The following EPN1 variants were observed in gnomAD, a reference collection of about 807,000 sequenced individuals.
EPN1 encodes the protein epsin 1.
Under a neutral mutation model 56.9 loss-of-function variants are expected in EPN1, and 25 were observed. That is an observed-to-expected ratio of 0.44 (90% CI 0.32 to 0.61). The LOEUF (loss-of-function observed/expected upper bound fraction) is 0.61. Among genes scored for constraint, EPN1 ranks in the 20% least tolerant of loss-of-function variants. The probability of loss-of-function intolerance (pLI) is 0.05; values close to 1 mark genes in which losing one functional copy is unlikely to be tolerated. For missense variants in EPN1, 785 were observed against 823.7 expected (o/e 0.95, Z 0.58); for synonymous variants, 411 against 361.8 (o/e 1.14, Z -1.54).
At position 55,701,959 on chromosome 19, in the gene EPN1, C is replaced by CTTTTTTTGTTTTT. The variant is rs1987162523; in HGVS notation, c.*6610_*6611insGTTTTTTTTTTTT. The CTTTTTTTGTTTTT allele has an allele frequency of 9.0e-6, 1 of 110,848 alleles. No individual in the cohort carries two copies. The highest frequency in any genetic ancestry group is 4.0e-5 in the African/African-American group (1 of 24,986). 6.9% of individuals were successfully genotyped at this position (110,848 alleles called of 1,614,324 possible). On this transcript the variant is annotated 3_prime_UTR_variant, in exon 11 of 11. Coordinates refer to ENST00000270460, the MANE Select transcript of EPN1 (RefSeq NM_001130072.2). ...AGTCTCTAGCAGCCCCCACCCCATTCTTTTTTTTTTTTTTTTTTTTGAGAT... is the reference window on the plus strand; with the variant it reads ...AGTCTCTAGCAGCCCCCACCCCATTCTTTTTTTGTTTTTTTTTTTTTTTTTTTTTTTTTGAGAT...
chr19:55,699,802 C>G lies in EPN1; in HGVS notation c.*4446C>G, dbSNP rs891829318. On this transcript the variant is annotated 3_prime_UTR_variant, in exon 11 of 11. Coordinates refer to ENST00000270460, the MANE Select transcript of EPN1 (RefSeq NM_001130072.2). ...ATGCTTTCCGCCGAGAAATCGCTCC[C>G]TTTGCTGTTTGTTTTGTATTGAATG... The G allele has an allele frequency of 6.6e-6, 1 of 152,172 alleles. No homozygotes were observed. Among genetic ancestry groups the G allele is most frequent in the South Asian group, 2.1e-4 (1 of 4,826 alleles). 9.4% of individuals were successfully genotyped at this position (152,172 alleles called of 1,614,324 possible).
At position 55,709,138 on chromosome 19, in the gene EPN1, T is replaced by C. The variant is rs73062405; in HGVS notation, c.*13782T>C. On this transcript the variant is annotated 3_prime_UTR_variant, in exon 11 of 11. Transcript: ENST00000270460. ...TGATGTCTACCTCTCCTCTCCTCTT[T>C]ATTCTTTCCTAGAAATCACTGGGAG... 0.14 allele frequency: 109,382 copies of C among 809,446 alleles called. 8,192 individuals carry two copies. Among genetic ancestry groups the C allele is most frequent in the African/African-American group, 0.19 (10,512 of 55,100 alleles). The allele number at this position is 809,446 out of a possible 1,614,324, so 50.1% of individuals were successfully genotyped here.
intron 3 of EPN1, 31 bp downstream of exon 3, chr19:55,685,676 TAG>T (rs2122186478): frequency 6.4e-7 from 1 of 1,568,894 alleles, no homozygotes; most frequent in African/African-American, 1.4e-5. Context: ...CCTGACGGCC[TAG>T]AGTCTGTCCT....
chr19:55,692,785 A>G lies in EPN1; in HGVS notation c.1166A>G (p.Asn389Ser), dbSNP rs745953265. The change falls in exon 8 of 11, where the codon AAT (asparagine) becomes AGT (serine). Residue 389 changes from asparagine (N) to serine (S), a missense_variant. Coordinates refer to ENST00000270460, the MANE Select transcript of EPN1 (RefSeq NM_001130072.2). ...WGGSPAKPST[N>S]GTTAAGGFDT... The stretch of plus-strand genomic sequence containing the variant: ...GGGTCACCTGCCAAGCCCAGCACCA[A>G]TGGCACAACAGGTACTGGAATGGGG... 8.2e-5 allele frequency: 131 copies of G among 1,596,902 alleles called. No individual in the cohort carries two copies. The highest frequency in any genetic ancestry group is 6.6e-4 in the Middle Eastern group (4 of 6,044).
rs1235195489 is a variant in EPN1, at chr19:55,705,796, T to A, written c.*10440T>A. On this transcript the variant is annotated 3_prime_UTR_variant, in exon 11 of 11. Transcript: ENST00000270460. ...CATACTGACATTGTGGCTGGAATAT[T>A]TGTTGTTGTGGGATATATATATATA... is the stretch of plus-strand genomic sequence containing the variant. 2.1e-5 allele frequency: 3 copies of A among 146,202 alleles called. No homozygotes were observed. Among genetic ancestry groups the A allele is most frequent in the African/African-American group, 7.7e-5 (3 of 39,102 alleles). 9.1% of individuals were successfully genotyped at this position (146,202 alleles called of 1,614,324 possible).
At position 55,692,845 on chromosome 19, in the gene EPN1, G is replaced by C. The variant is rs114917342; in HGVS notation, c.1177+49G>C. Reference sequence around the variant, plus strand: ...GAGCCCCGGGTGGGAGTGAGTGGGAGAAGTTAGTGTTGAGTGTCCTAAGGG... The same window carrying C: ...GAGCCCCGGGTGGGAGTGAGTGGGACAAGTTAGTGTTGAGTGTCCTAAGGG... On this transcript the variant is annotated intron_variant, in intron 8 of 10. Transcript: ENST00000270460. The C allele has an allele frequency of 9.5e-6, 15 of 1,584,920 alleles. No individual in the cohort carries two copies. In the African/African-American group the frequency reaches 2.0e-4, roughly 21 times the overall value.
At chr19:55,676,476 C>T (rs1159208800) in intron 1 of EPN1, 4 of 152,324 alleles carry the variant, frequency 2.6e-5, no homozygotes, top group Non-Finnish European at 2.9e-5. Flanking sequence ...AAGATAGTGC[C>T]TTTTCTGCCG....
chr19:55,678,987 T>C (rs1317190512), intron 2 of EPN1, 132 bp downstream of exon 2: 5 of 659,578 alleles, frequency 7.6e-6, no homozygotes, highest in East Asian at 5.5e-5. Context: ...AATCTCTCTT[T>C]TTGTTTAATG....
intron 3 of EPN1, among the ~76,000 whole-genome samples, 171 bp downstream of exon 3, chr19:55,685,816 T>TC (rs1410881652): frequency 2.6e-5 from 4 of 152,176 alleles, no homozygotes; most frequent in Admixed American, 6.5e-5. Flanking sequence ...GCCCTTTTTT[T>TC]CCCTTAGCAC....
In EPN1 at chr19:55,697,417, A is replaced by T. The variant is rs1348413670; in HGVS notation, c.*2061A>T. 6.6e-6 allele frequency: 1 copy of T among 152,246 alleles called. No homozygotes were observed. Among genetic ancestry groups the T allele is most frequent in the African/African-American group, 2.4e-5 (1 of 41,452 alleles). 9.4% of individuals were successfully genotyped at this position (152,246 alleles called of 1,614,324 possible). On this transcript the variant is annotated 3_prime_UTR_variant, in exon 11 of 11. Coordinates refer to ENST00000270460, the MANE Select transcript of EPN1 (RefSeq NM_001130072.2). ...TTAAGGATAAGTTTCACGATTTCGC[A>T]CTGCGGAGCCTGCACTCCCTTTCTC...
intron 7 of EPN1, among the ~76,000 whole-genome samples, chr19:55,692,361 G>T (rs1376585963): frequency 6.6e-6 from 1 of 151,710 alleles, no homozygotes; most frequent in Non-Finnish European, 1.5e-5. Context: ...GCGGTGGGTG[G>T]AGCTGGGAGG....
chr19:55,691,817 T>C lies in EPN1; in HGVS notation c.826T>C (p.Trp276Arg), dbSNP rs1986569591. 3 of 1,610,458 alleles carry C rather than the reference T, an allele frequency of 1.9e-6. No individual in the cohort carries two copies. The highest frequency in any genetic ancestry group is 2.5e-6 in the Non-Finnish European group (3 of 1,177,784). The part of the protein sequence containing the change: ...APAPAPTTDP[W>R]GGPAPMAAAV... ...AGCTCCTGCCCCGACCACAGACCCC[T>C]GGGGGGGCCCAGCACCCATGGCTGC... The change falls in exon 7 of 11, where the codon TGG (tryptophan) becomes CGG (arginine). Residue 276 changes from tryptophan to arginine, a missense_variant. Trp to Arg is a moderately radical substitution (Grantham distance 101). Coordinates refer to ENST00000270460, the MANE Select transcript of EPN1 (RefSeq NM_001130072.2). This position sits in a 1 kb window ranked among gnomAD's most constrained non-coding sequence, Gnocchi z 5.6.
At chr19:55,688,839 G>A (rs1986338974) in intron 3 of EPN1, 31 bp from the exon 4 acceptor site, 1 of 1,565,232 alleles carries the variant, frequency 6.4e-7, no homozygotes, top group African/African-American at 1.4e-5. Context: ...TCCCTGGTCT[G>A]GGTCTCACGC....
At chr19:55,679,375 G>A (rs1985653696) in intron 2 of EPN1, among the ~76,000 whole-genome samples, 1 of 152,234 alleles carries the variant, frequency 6.6e-6, no homozygotes, top group Non-Finnish European at 1.5e-5. Flanking sequence ...CGGCAAAGTG[G>A]CCAAGGACAT....
chr19:55,685,474 G>C lies in EPN1; in HGVS notation c.307G>C (p.Val103Leu). ...GCAGTGCAAGGAGAACATGTACGCC[G>C]TGCAGACGCTGAAGGACTTCCAGTA... Reference protein sequence around the residue: ...SQQCKENMYAVQTLKDFQYVD... With the variant: ...SQQCKENMYALQTLKDFQYVD... Residue 103 changes from valine (V) to leucine (L), a missense_variant, in exon 3 of 11, where the codon GTG (valine) becomes CTG (leucine). This residue lies in a region of EPN1 where 135 missense variants were observed against 218.7 expected (regional missense o/e 0.62). Coordinates refer to ENST00000270460, the MANE Select transcript of EPN1 (RefSeq NM_001130072.2). 1 of 1,612,000 alleles carries C rather than the reference G, an allele frequency of 6.2e-7. No individual in the cohort carries two copies. Among genetic ancestry groups the C allele is most frequent in the Non-Finnish European group, 8.5e-7 (1 of 1,179,196 alleles).
At position 55,685,508 on chromosome 19, in the gene EPN1, G is replaced by A. The variant is rs1600100867; in HGVS notation, c.341G>A (p.Arg114His). ...CTGAAGGACTTCCAGTACGTGGACC[G>A]CGACGGCAAGGACCAGGGCGTGAAC... Reference protein sequence around the residue: ...QTLKDFQYVDRDGKDQGVNVR... With the variant: ...QTLKDFQYVDHDGKDQGVNVR... The change falls in exon 3 of 11, where the codon CGC becomes CAC. Residue 114 changes from arginine (R) to histidine (H), a missense_variant. Arg to His is a conservative substitution (Grantham distance 29). Around this residue, in one of 2 missense-constraint regions of EPN1, gnomAD observed 135 missense variants for 218.7 expected, o/e 0.62. Transcript: ENST00000270460. 1.9e-6 allele frequency: 3 copies of A among 1,612,968 alleles called. No individual in the cohort carries two copies. The highest frequency in any genetic ancestry group is 8.5e-7 in the Non-Finnish European group (1 of 1,179,500).
chr19:55,690,586 C>T (rs1005804244), intron 6 of EPN1, among the ~76,000 whole-genome samples: 2 of 152,186 alleles, frequency 1.3e-5, no homozygotes, highest in Admixed American at 6.5e-5. Flanking sequence ...CAGCCTCCTC[C>T]CCTGGCCTCT....
At chr19:55,685,010 C>A (rs1986068775) in intron 2 of EPN1, among the ~76,000 whole-genome samples, 1 of 152,224 alleles carries the variant, frequency 6.6e-6, no homozygotes, top group African/African-American at 2.4e-5. Context: ...TCTTCATTGC[C>A]CCAGAAGGAA....
At chr19:55,692,651 TTGCCAGCCCCTCA>T in intron 7 of EPN1, 22 bp from the exon 8 acceptor site, 1 of 1,405,178 alleles carries the variant, frequency 7.1e-7, no homozygotes, top group Non-Finnish European at 9.6e-7. Flanking sequence ...GCAGTCAAGG[TTGCCAGCCCCTCA>T]TGCTCTTCTG....
Sources: gnomAD v4.1 joint callset for allele counts (sites outside exome capture counted in the v4.1 genomes callset) on GRCh38, gnomAD v4.1.1 for gene constraint, gnomAD v4.1.1 regional missense constraint, Gnocchi (gnomAD v3.1) non-coding constraint, MANE v1.5 for transcripts, NCBI Gene and HGNC (gene_info 2026-07-23, HGNC 2026-07-21) for gene names.